Variants in TENM4 observed in about 807,000 individuals in gnomAD.
TENM4 encodes teneurin transmembrane protein 4.
TENM4 carries 82 observed loss-of-function variants against 243.3 expected under a neutral mutation model. The observed-to-expected ratio is 0.34, with a 90% CI of 0.28 to 0.40. The LOEUF is 0.40. TENM4 is among the 10% of genes least tolerant of loss of function. The pLI is 1.00. For synonymous variants in TENM4, 1,412 were observed against 1,456.3 expected, an observed-to-expected ratio of 0.97 and a Z score of 0.69; for missense variants, 3,138 against 3,673.3, an observed-to-expected ratio of 0.85 and a Z score of 3.77.
At chr11:78,810,168 AG>A (rs1218078985) in intron 14 of TENM4, among the ~76,000 whole-genome samples, 2 of 152,228 alleles carry the variant, frequency 1.3e-5, no homozygotes, top group African/African-American at 4.8e-5. Flanking sequence ...AAAGGCCCCA[AG>A]AAAACCCCAT....
intron 6 of TENM4, among the ~76,000 whole-genome samples, chr11:78,976,008 G>C (rs1857646694): frequency 6.6e-6 from 1 of 152,184 alleles, no homozygotes; most frequent in South Asian, 2.1e-4. Context: ...TCTGGGTGCT[G>C]AATCTTGGTC....
chr11:78,686,952 CTAAT>C (rs907679901), intron 29 of TENM4, among the ~76,000 whole-genome samples: 20 of 152,302 alleles, frequency 1.3e-4, no homozygotes, highest in Middle Eastern at 3.4e-3. Context: ...AAACTGCTTG[CTAAT>C]TAATTAATTA....
intron 21 of TENM4, among the ~76,000 whole-genome samples, chr11:78,731,952 A>T (rs979408638): frequency 6.6e-6 from 1 of 152,234 alleles, no homozygotes; most frequent in African/African-American, 2.4e-5. Flanking sequence ...TCTTGGTAGA[A>T]CCATTTATTT....
intron 9 of TENM4, among the ~76,000 whole-genome samples, chr11:78,871,421 G>C (rs183164288): frequency 5.5e-4 from 84 of 152,222 alleles, no homozygotes; most frequent in African/African-American, 1.9e-3. Context: ...CAGGACCTGG[G>C]GAGTGAGAAG....
intron 5 of TENM4, among the ~76,000 whole-genome samples, chr11:79,067,146 G>T (rs1211056315): frequency 1.3e-5 from 2 of 152,208 alleles, no homozygotes; most frequent in Non-Finnish European, 1.5e-5. Flanking sequence ...AAAGAAGCCC[G>T]TGGGCTCTGC....
chr11:78,962,807 T>C (rs1249550069), intron 6 of TENM4, among the ~76,000 whole-genome samples: 3 of 152,236 alleles, frequency 2.0e-5, no homozygotes, highest in Non-Finnish European at 4.4e-5. Context: ...ATGATGTTCC[T>C]ATTACTGAGA....
chr11:78,897,729 A>C (rs1320875858), intron 7 of TENM4, among the ~76,000 whole-genome samples: 1 of 152,200 alleles, frequency 6.6e-6, no homozygotes, highest in East Asian at 1.9e-4. Flanking sequence ...ATTACAAGGA[A>C]GACTGTATAT....
At chr11:79,149,165 C>T (rs1862447638) in intron 3 of TENM4, among the ~76,000 whole-genome samples, 1 of 152,036 alleles carries the variant, frequency 6.6e-6, no homozygotes. Flanking sequence ...TCTCCAGGTA[C>T]TGGGCATATA....
At chr11:78,986,751 T>C (rs1857929129) in intron 6 of TENM4, among the ~76,000 whole-genome samples, 1 of 152,180 alleles carries the variant, frequency 6.6e-6, no homozygotes, top group Non-Finnish European at 1.5e-5. Flanking sequence ...TTTTTGTATT[T>C]TTAGTAGAGA....
intron 4 of TENM4, 119 bp from the exon 5 acceptor site, chr11:79,070,128 G>A (rs1860373494): frequency 1.3e-5 from 17 of 1,264,406 alleles, no homozygotes; most frequent in Non-Finnish European, 1.8e-5. Context: ...GTGGAGGAGA[G>A]GGTACCGCTC....
At chr11:79,345,470 C>T (rs537575444) in intron 1 of TENM4, among the ~76,000 whole-genome samples, 8 of 152,316 alleles carry the variant, frequency 5.3e-5, no homozygotes, top group South Asian at 2.1e-4. Flanking sequence ...TTGCAAGACA[C>T]GTTTCACCTA....
chr11:79,249,252 C>T (rs1855570022), intron 2 of TENM4, among the ~76,000 whole-genome samples: 1 of 152,184 alleles, frequency 6.6e-6, no homozygotes, highest in Non-Finnish European at 1.5e-5. Context: ...TCCCATTCTG[C>T]AGGTGAGGAA....
At chr11:78,689,001 G>A (rs1181697637) in intron 28 of TENM4, among the ~76,000 whole-genome samples, 1 of 152,152 alleles carries the variant, frequency 6.6e-6, no homozygotes, top group Admixed American at 6.5e-5. Flanking sequence ...GGTGCTAGTT[G>A]CTTTTCATGC....
intron 6 of TENM4, among the ~76,000 whole-genome samples, chr11:79,016,997 C>A (rs1858790894): frequency 6.6e-6 from 1 of 152,224 alleles, no homozygotes; most frequent in Admixed American, 6.5e-5. Flanking sequence ...CCAGAGTTGT[C>A]ATGAGGCTCA....
chr11:78,935,233 G>A (rs1338645372), intron 6 of TENM4, among the ~76,000 whole-genome samples: 1 of 151,448 alleles, frequency 6.6e-6, no homozygotes, highest in Non-Finnish European at 1.5e-5. Context: ...GGATGGTCTC[G>A]ATCTCCTGAC....
At chr11:79,231,786 C>A (rs531041949) in intron 2 of TENM4, among the ~76,000 whole-genome samples, 1 of 152,328 alleles carries the variant, frequency 6.6e-6, no homozygotes, top group Non-Finnish European at 1.5e-5. Flanking sequence ...AAAATGAATA[C>A]TCCAAGAGGG....
chr11:79,392,319 G>A (rs1425068733), intron 1 of TENM4, among the ~76,000 whole-genome samples: 1 of 152,212 alleles, frequency 6.6e-6, no homozygotes, highest in Non-Finnish European at 1.5e-5. Flanking sequence ...GAACTTGGAG[G>A]CAGAGGGAGC....
intron 26 of TENM4, among the ~76,000 whole-genome samples, chr11:78,710,755 T>G (rs1447741939): frequency 6.6e-6 from 1 of 152,098 alleles, no homozygotes; most frequent in Non-Finnish European, 1.5e-5. Context: ...TGCTGCAAAG[T>G]GCCTGCATAT....
intron 5 of TENM4, among the ~76,000 whole-genome samples, 196 bp downstream of exon 5, chr11:79,069,526 T>A (rs1391623290): frequency 6.6e-6 from 1 of 152,160 alleles, no homozygotes; most frequent in East Asian, 1.9e-4. Context: ...ATAAATGAAC[T>A]AAGAATGAAC....
Sources: gnomAD v4.1 joint callset for allele counts (sites outside exome capture counted in the v4.1 genomes callset) on GRCh38, gnomAD v4.1.1 for gene constraint, MANE v1.5 for transcripts, NCBI Gene and HGNC (gene_info 2026-07-23, HGNC 2026-07-21) for gene names.